The following ARHGAP6 variants were observed in gnomAD, a reference collection of about 807,000 sequenced individuals.
The protein encoded by ARHGAP6 is rho GTPase-activating protein 6.
ARHGAP6 carries 16 observed loss-of-function variants against 55.7 expected under a neutral mutation model. The ratio of observed to expected loss-of-function variants is 0.29; its 90% CI spans 0.19 to 0.44. The LOEUF (loss-of-function observed/expected upper bound fraction) is 0.44. Among genes scored for constraint, ARHGAP6 ranks in the 20% least tolerant of loss-of-function variants. The pLI is 1.00. For synonymous variants in ARHGAP6, 382 were observed against 360.9 expected, an observed-to-expected ratio of 1.06 and a Z score of -0.66; for missense variants, 698 against 808.9, an observed-to-expected ratio of 0.86 and a Z score of 1.66.
At chrX:11,524,306 A>C (rs975965558) in intron 1 of ARHGAP6, among the ~76,000 whole-genome samples, 1 of 111,303 alleles carries the variant, frequency 9.0e-6, no homozygotes, top group African/African-American at 3.3e-5. Context: ...TACCCAGATA[A>C]ACCTCCTATA....
intron 1 of ARHGAP6, among the ~76,000 whole-genome samples, chrX:11,445,788 C>T (rs774859996): frequency 9.0e-6 from 1 of 111,239 alleles, no homozygotes; most frequent in South Asian, 3.9e-4. Context: ...AAACATCCTA[C>T]AGTGCACAGG....
intron 1 of ARHGAP6, among the ~76,000 whole-genome samples, chrX:11,633,536 A>G (rs2052383266): frequency 8.9e-6 from 1 of 111,884 alleles, no homozygotes; most frequent in South Asian, 3.7e-4. Flanking sequence ...CTGACATTCC[A>G]TCACCCTTTC....
At chrX:11,603,420 G>C (rs1028965276) in intron 1 of ARHGAP6, among the ~76,000 whole-genome samples, 2 of 111,826 alleles carry the variant, frequency 1.8e-5, no homozygotes, top group African/African-American at 6.5e-5. Context: ...TAATGCTCTA[G>C]AAAGTGTTTT....
intron 1 of ARHGAP6, among the ~76,000 whole-genome samples, chrX:11,563,098 A>G (rs1488770795): frequency 8.9e-5 from 10 of 111,944 alleles, no homozygotes; most frequent in Non-Finnish European, 1.7e-4. Flanking sequence ...ATGCATAATT[A>G]TAACCACACA....
intron 1 of ARHGAP6, among the ~76,000 whole-genome samples, chrX:11,354,806 G>A (rs1397952233): frequency 9.0e-6 from 1 of 111,285 alleles, no homozygotes; most frequent in Non-Finnish European, 1.9e-5. Context: ...CAGGTACCTG[G>A]TCCCATCTTG....
At chrX:11,379,011 T>C (rs749144064) in intron 1 of ARHGAP6, among the ~76,000 whole-genome samples, 44 of 112,590 alleles carry the variant, frequency 3.9e-4, no homozygotes, top group African/African-American at 1.4e-3. Context: ...TGCTGTGTAA[T>C]AACCTACTCG....
At chrX:11,181,260 G>A (rs900606150) in intron 6 of ARHGAP6, among the ~76,000 whole-genome samples, 1 of 111,439 alleles carries the variant, frequency 9.0e-6, no homozygotes, top group African/African-American at 3.3e-5. Flanking sequence ...GATAAATGAG[G>A]TATTTATTTC....
intron 1 of ARHGAP6, among the ~76,000 whole-genome samples, chrX:11,310,543 G>A (rs770729397): frequency 1.9e-4 from 21 of 111,742 alleles, no homozygotes; most frequent in Non-Finnish European, 3.4e-4. Context: ...ACTACAACAT[G>A]GATGAACCCT....
chrX:11,175,291 C>T (rs1203139980), intron 8 of ARHGAP6, among the ~76,000 whole-genome samples: 1 of 112,268 alleles, frequency 8.9e-6, no homozygotes, highest in Non-Finnish European at 1.9e-5. Context: ...GCTGCCTGCT[C>T]TCCTGTCACT....
chrX:11,537,722 T>A (rs1248491446), intron 1 of ARHGAP6, among the ~76,000 whole-genome samples: 1 of 111,819 alleles, frequency 8.9e-6, no homozygotes, highest in African/African-American at 3.2e-5. Context: ...AAAGCTTGTG[T>A]TTATGTGAGT....
chrX:11,595,561 C>A (rs1259266808), intron 1 of ARHGAP6, among the ~76,000 whole-genome samples: 3 of 111,392 alleles, frequency 2.7e-5, no homozygotes, highest in South Asian at 7.5e-4. Context: ...GCAACAAAAG[C>A]CAAAATTGAC....
intron 1 of ARHGAP6, among the ~76,000 whole-genome samples, chrX:11,598,053 G>A (rs1465803804): frequency 1.8e-5 from 2 of 112,268 alleles, no homozygotes; most frequent in Non-Finnish European, 3.8e-5. Context: ...GTCTTGGTGT[G>A]ATCTCACATG....
chrX:11,472,174 T>C (rs1217860873), intron 1 of ARHGAP6, among the ~76,000 whole-genome samples: 1 of 111,223 alleles, frequency 9.0e-6, no homozygotes, highest in East Asian at 2.8e-4. Flanking sequence ...GTTCTGTGCA[T>C]TGTAGGATGT....
At chrX:11,498,947 A>T (rs1427715830) in intron 1 of ARHGAP6, among the ~76,000 whole-genome samples, 1 of 111,570 alleles carries the variant, frequency 9.0e-6, no homozygotes, top group African/African-American at 3.3e-5. Context: ...ATTTATGAGG[A>T]GGCATTTTGG....
intron 1 of ARHGAP6, among the ~76,000 whole-genome samples, chrX:11,338,411 G>A (rs2048665858): frequency 9.0e-6 from 1 of 111,545 alleles, no homozygotes; most frequent in African/African-American, 3.3e-5. Flanking sequence ...ATAAATGCAA[G>A]CTCTTATTTT....
At chrX:11,661,223 C>G (rs1213199579) in intron 1 of ARHGAP6, among the ~76,000 whole-genome samples, 2 of 112,486 alleles carry the variant, frequency 1.8e-5, no homozygotes, top group Admixed American at 9.4e-5. Context: ...TGATCAGAGT[C>G]AGGGGCAGAG....
intron 1 of ARHGAP6, among the ~76,000 whole-genome samples, chrX:11,321,848 A>C (rs1160885637): frequency 8.9e-6 from 1 of 112,575 alleles, no homozygotes; most frequent in Non-Finnish European, 1.9e-5. Flanking sequence ...AACATTAAAA[A>C]TTAAAACAAA....
intron 1 of ARHGAP6, among the ~76,000 whole-genome samples, chrX:11,323,702 TA>T (rs1192917681): frequency 1.8e-5 from 2 of 109,282 alleles, no homozygotes; most frequent in Admixed American, 1.9e-4. Flanking sequence ...CTGTCTCTAC[TA>T]AAAATACAAA....
intron 1 of ARHGAP6, among the ~76,000 whole-genome samples, chrX:11,478,313 G>A (rs773484723): frequency 8.9e-6 from 1 of 112,165 alleles, no homozygotes; most frequent in Non-Finnish European, 1.9e-5. Context: ...CAGGAGAGTA[G>A]ATAAACAAAT....
Sources: gnomAD v4.1 joint callset for allele counts (sites outside exome capture counted in the v4.1 genomes callset) on GRCh38, gnomAD v4.1.1 for gene constraint, MANE v1.5 for transcripts, NCBI Gene and HGNC (gene_info 2026-07-23, HGNC 2026-07-21) for gene names.